Variants in MORC4 observed in about 807,000 individuals in gnomAD.
MORC4 encodes MORC family CW-type zinc finger protein 4.
Under a neutral mutation model 65.5 loss-of-function variants are expected in MORC4, and 22 were observed. The ratio of observed to expected loss-of-function variants is 0.34; its 90% CI spans 0.24 to 0.48. The LOEUF (loss-of-function observed/expected upper bound fraction) is 0.48. Among genes scored for constraint, MORC4 ranks in the 20% least tolerant of loss-of-function variants. The probability of loss-of-function intolerance (pLI) is 0.99; values close to 1 mark genes in which losing one functional copy is unlikely to be tolerated. For synonymous variants in MORC4, 267 were observed against 255.8 expected (o/e 1.04, Z -0.42); for missense variants, 624 against 703.0 (o/e 0.89, Z 1.27).
In MORC4 at chrX:106,942,684, G is replaced by T. The variant is rs371512357; in HGVS notation, c.2207C>A (p.Ala736Asp). ...ESWNPVPYSV[A>D]SAAIPAAAIG... ...GGCTGCAGCAGGGATTGCAGCAGAG[G>T]CCACAGAATAAGGCACTGGGTTCCA... The change falls in exon 15 of 17, where the codon GCC (alanine) becomes GAC (aspartate). Residue 736 changes from alanine to aspartate, a missense_variant. Physicochemically the swap from Ala to Asp is moderately radical, Grantham distance 126. Coordinates refer to ENST00000355610, the MANE Select transcript of MORC4 (RefSeq NM_024657.5). 1.7e-6 allele frequency: 2 copies of T among 1,209,772 alleles called. No individual in the cohort carries two copies. The highest frequency in any genetic ancestry group is 2.2e-5 in the Admixed American group (1 of 45,691).
intron 14 of MORC4, among the ~76,000 whole-genome samples, chrX:106,946,081 C>T (rs1255637578): frequency 1.8e-5 from 2 of 111,926 alleles, no homozygotes; most frequent in African/African-American, 3.2e-5. Flanking sequence ...TATACTCCTT[C>T]CAGATGATGT....
Position 106,978,177 on chromosome X carries a change from A to T in MORC4, c.959T>A (p.Phe320Tyr). 1 of 1,206,952 alleles carries T rather than the reference A, an allele frequency of 8.3e-7. No homozygotes were observed. The highest frequency in any genetic ancestry group is 1.1e-6 in the Non-Finnish European group (1 of 892,470). ...GTTACTATTCTTGCAAGAGAACCCA[A>T]AGGTGATTCTCACCTGCTTATTCTG... ...TFTNKQVRIT[F>Y]GFSCKNSNQF... The change falls in exon 8 of 17, where the codon TTT becomes TAT. Residue 320 changes from phenylalanine to tyrosine, a missense_variant. Transcript: ENST00000355610.
chrX:106,989,989 C>T (rs1182618513), intron 3 of MORC4, among the ~76,000 whole-genome samples: 2 of 106,350 alleles, frequency 1.9e-5, no homozygotes, highest in Non-Finnish European at 3.9e-5. Flanking sequence ...GGATGGAGAC[C>T]ATCCTGGCTG....
At chrX:106,991,248 C>T (rs1357006819) in intron 3 of MORC4, among the ~76,000 whole-genome samples, 4 of 111,808 alleles carry the variant, frequency 3.6e-5, no homozygotes, top group African/African-American at 9.8e-5. Flanking sequence ...AAACTGTGCT[C>T]TACCTTCATA....
rs1008840902 is a variant in MORC4 at position 106,941,117 on chromosome X, A to G, written c.*362T>C. ...AAATAATACCTGGTATACCGGACCC[A>G]ATATCTGCTGATTGATCTAACCTAA... On this transcript the variant is annotated 3_prime_UTR_variant, in exon 17 of 17. Transcript: ENST00000355610. The G allele has an allele frequency of 1.3e-5, 2 of 148,830 alleles. No individual in the cohort carries two copies. The highest frequency in any genetic ancestry group is 3.2e-4 in the East Asian group (2 of 6,293). 12.3% of individuals were successfully genotyped at this position (148,830 alleles called of 1,213,427 possible).
Position 107,000,004 on chromosome X carries a change from C to T in MORC4, c.-35G>A. The stretch of plus-strand genomic sequence containing the variant: ...CGCCACGGTACCCGTCTGCTGCCGC[C>T]GGACCCCTGGCCCGGCGGTCCGGGA... On this transcript the variant is annotated 5_prime_UTR_variant, in exon 1 of 17. Transcript: ENST00000355610. The T allele has an allele frequency of 1.4e-6, 1 of 693,331 alleles. No individual in the cohort carries two copies. The highest frequency in any genetic ancestry group is 1.8e-6 in the Non-Finnish European group (1 of 550,127). 57.1% of individuals were successfully genotyped at this position (693,331 alleles called of 1,213,427 possible). A position where few individuals can be genotyped will look rare whatever the true frequency, so the allele number is the denominator to read the frequency against.
intron 5 of MORC4, among the ~76,000 whole-genome samples, chrX:106,984,468 T>TTC (rs1461259227): frequency 3.6e-5 from 2 of 56,131 alleles, no homozygotes; most frequent in African/African-American, 1.0e-4. Context: ...CTTTTTTCTT[T>TTC]TTTTTTTTTT....
At chrX:106,993,584 G>A (rs759040227) in intron 2 of MORC4, among the ~76,000 whole-genome samples, 6 of 111,986 alleles carry the variant, frequency 5.4e-5, no homozygotes, top group South Asian at 3.7e-4. Flanking sequence ...GATTTCATAC[G>A]AGCGATATGC....
intron 5 of MORC4, among the ~76,000 whole-genome samples, 187 bp downstream of exon 5, chrX:106,984,909 T>C (rs1934836796): frequency 9.0e-6 from 1 of 111,215 alleles, no homozygotes; most frequent in Non-Finnish European, 1.9e-5. Context: ...TGGCTCACAC[T>C]TGTAATCCCA....
At chrX:106,945,206 G>A (rs1315898117) in intron 14 of MORC4, among the ~76,000 whole-genome samples, 1 of 111,276 alleles carries the variant, frequency 9.0e-6, no homozygotes, top group Non-Finnish European at 1.9e-5. Context: ...ACTTTCTCAA[G>A]GTGGCTAGTA....
intron 14 of MORC4, among the ~76,000 whole-genome samples, chrX:106,952,363 C>A (rs2147806545): frequency 8.9e-6 from 1 of 111,989 alleles, no homozygotes; most frequent in East Asian, 2.8e-4. Flanking sequence ...GCAACTGTAA[C>A]AAAATGGTAA....
intron 9 of MORC4, among the ~76,000 whole-genome samples, chrX:106,969,612 C>G (rs1485191574): frequency 9.0e-6 from 1 of 111,536 alleles, no homozygotes; most frequent in African/African-American, 3.3e-5. Context: ...GGAGAAGGAT[C>G]AAATAGACAC....
intron 9 of MORC4, among the ~76,000 whole-genome samples, chrX:106,975,117 A>G (rs1206869097): frequency 8.9e-6 from 1 of 111,771 alleles, no homozygotes; most frequent in Non-Finnish European, 1.9e-5. Context: ...TGCCTGTAAA[A>G]TTTTAAAGGT....
In MORC4 at chrX:106,942,577, A is replaced by G. The variant is rs1399232654; in HGVS notation, c.2314T>C (p.Leu772=). 1 of 1,208,811 alleles carries G rather than the reference A, an allele frequency of 8.3e-7. No individual in the cohort carries two copies. Among genetic ancestry groups the G allele is most frequent in the African/African-American group, 1.8e-5 (1 of 57,032 alleles). ...KLKNQRELEE[L]KRTTEKLERV... is the part of the protein sequence containing the mutation. ...TCCAATTTTTCTGTGGTTCTCTTCA[A>G]TTCTTCCAGCTCTCTCTGGTTCTTC... is the stretch of plus-strand genomic sequence containing the variant. The change falls in exon 15 of 17, where the codon TTG becomes CTG. Residue 772 remains leucine, a synonymous_variant. Coordinates refer to ENST00000355610, the MANE Select transcript of MORC4 (RefSeq NM_024657.5).
intron 8 of MORC4, 29 bp downstream of exon 8, chrX:106,978,051 C>T (rs1188802975): frequency 8.3e-7 from 1 of 1,206,229 alleles, no homozygotes; most frequent in Non-Finnish European, 1.1e-6. Context: ...TTTTCAGCCT[C>T]CTATGACAAA....
intron 14 of MORC4, among the ~76,000 whole-genome samples, chrX:106,948,570 G>C (rs1198962596): frequency 9.0e-6 from 1 of 111,628 alleles, no homozygotes; most frequent in Non-Finnish European, 1.9e-5. Flanking sequence ...GTCTGATATT[G>C]CTTGCTTTCA....
At chrX:106,999,556 G>A in intron 2 of MORC4, 121 bp downstream of exon 2, 3 of 583,641 alleles carry the variant, frequency 5.1e-6, no homozygotes, top group Non-Finnish European at 4.8e-6. Context: ...GGCCGGTTCC[G>A]AGGCCCCCAC....
intron 10 of MORC4, among the ~76,000 whole-genome samples, chrX:106,959,532 CTTG>C (rs1417449552): frequency 9.0e-6 from 1 of 110,769 alleles, no homozygotes. Flanking sequence ...TTATTTTCTT[CTTG>C]TTGTTGTTGT....
intron 9 of MORC4, among the ~76,000 whole-genome samples, chrX:106,965,442 G>A (rs111872837): frequency 2.4e-4 from 27 of 112,047 alleles, no homozygotes; most frequent in Admixed American, 9.4e-5. Context: ...AGCTACAAGG[G>A]ACACAGAAAA....
Sources: gnomAD v4.1 joint callset for allele counts (sites outside exome capture counted in the v4.1 genomes callset) on GRCh38, gnomAD v4.1.1 for gene constraint, MANE v1.5 for transcripts, NCBI Gene and HGNC (gene_info 2026-07-23, HGNC 2026-07-21) for gene names.